The following RPS6KA1 variants were observed in gnomAD, a reference collection of about 807,000 sequenced individuals.
The protein encoded by RPS6KA1 is ribosomal protein S6 kinase A1, also known as ribosomal protein S6 kinase alpha-1.
A neutral mutation model predicts 91.3 loss-of-function variants in RPS6KA1; 48 were observed. The ratio of observed to expected loss-of-function variants is 0.53; its 90% confidence interval spans 0.42 to 0.67. RPS6KA1 has a LOEUF of 0.67. RPS6KA1 is among the 30% of genes least tolerant of loss of function. The pLI, the probability that RPS6KA1 is intolerant of heterozygous loss-of-function variation, is 0.00. For synonymous variants in RPS6KA1, 359 were observed against 384.7 expected, an observed-to-expected ratio of 0.93 and a Z score of 0.78; for missense variants, 719 against 960.5, an observed-to-expected ratio of 0.75 and a Z score of 3.32.
In RPS6KA1 at chr1:26,547,344, G is replaced by A. The variant is rs2076004580; in HGVS notation, c.307+74G>A. 1.6e-6 allele frequency: 2 copies of A among 1,242,666 alleles called. No individual in the cohort carries two copies. The highest frequency in any genetic ancestry group is 2.3e-6 in the Non-Finnish European group (2 of 861,804). The allele number at this position is 1,242,666 out of a possible 1,614,324, so 77.0% of individuals were successfully genotyped here. On this transcript the variant is annotated intron_variant, in intron 4 of 21. Transcript: ENST00000374168. The surrounding 1 kb of genome is among the most constrained non-coding windows in gnomAD (Gnocchi z 4.1). ...GCAGCCCAGACTTCAAGGGCCTTGG[G>A]TCTGGCAAGGGAGACAGCTCTGTCT...
intron 1 of RPS6KA1, among the ~76,000 whole-genome samples, chr1:26,533,603 G>A (rs1441345181): frequency 6.6e-6 from 1 of 152,188 alleles, no homozygotes; most frequent in Non-Finnish European, 1.5e-5. Flanking sequence ...TACTTGGGAG[G>A]CTGAGGCAGA....
At chr1:26,556,464 C>T (rs1177625893) in intron 11 of RPS6KA1, among the ~76,000 whole-genome samples, 190 bp from the exon 12 acceptor site, 1 of 152,182 alleles carries the variant, frequency 6.6e-6, no homozygotes, top group Non-Finnish European at 1.5e-5. Context: ...TCAGAAGCTC[C>T]AGAAAGTGGA....
intron 14 of RPS6KA1, among the ~76,000 whole-genome samples, chr1:26,559,213 G>A (rs1290791848): frequency 1.3e-5 from 2 of 152,116 alleles, no homozygotes; most frequent in Non-Finnish European, 2.9e-5. Flanking sequence ...CGTGTCTCCG[G>A]CATAAGTGTA....
chr1:26,574,138 G>A lies in RPS6KA1; in HGVS notation c.2145G>A (p.Lys715=), dbSNP rs748389071. 3.1e-6 allele frequency: 5 copies of A among 1,614,090 alleles called. No homozygotes were observed. Among genetic ancestry groups the A allele is most frequent in the South Asian group, 2.2e-5 (2 of 91,072 alleles). The change falls in exon 22 of 22, where the codon AAG becomes AAA. Residue 715 remains lysine, a synonymous_variant. Transcript: ENST00000374168. This position sits in a 1 kb window ranked among gnomAD's most constrained non-coding sequence, Gnocchi z 4.3. The stretch of plus-strand genomic sequence containing the variant: ...GCTCCAAGCCCACCCCCCAGCTGAA[G>A]CCCATCGAGTCATCCATCCTGGCCC... ...LNSSKPTPQL[K]PIESSILAQR...
At chr1:26,572,401 C>T (rs940621761) in intron 20 of RPS6KA1, 108 bp downstream of exon 20, 18 of 738,692 alleles carry the variant, frequency 2.4e-5, no homozygotes, top group Non-Finnish European at 3.8e-5. Flanking sequence ...GCGGATGTTC[C>T]ACAAATCCCT....
At chr1:26,545,707 G>C (rs978548626) in intron 2 of RPS6KA1, 3 of 751,928 alleles carry the variant, frequency 4.0e-6, no homozygotes, top group Non-Finnish European at 2.0e-6. Flanking sequence ...CTGAGGAGAG[G>C]GGGAGAGAGA....
chr1:26,543,322 T>C, intron 2 of RPS6KA1: 1 of 893,148 alleles, frequency 1.1e-6, no homozygotes, highest in South Asian at 1.4e-5. Context: ...CTGGGTGGTT[T>C]CCTGTCTCTG....
rs2076079860 is a variant in RPS6KA1, at chr1:26,554,333, C to T, written c.613+82C>T. 1.4e-6 allele frequency: 2 copies of T among 1,403,206 alleles called. No individual in the cohort carries two copies. The highest frequency in any genetic ancestry group is 1.9e-6 in the Non-Finnish European group (2 of 1,027,408). The allele number at this position is 1,403,206 out of a possible 1,614,324, so 86.9% of individuals were successfully genotyped here. On this transcript the variant is annotated intron_variant, in intron 8 of 21. Transcript: ENST00000374168. This position sits in a 1 kb window ranked among gnomAD's most constrained non-coding sequence, Gnocchi z 4.6. ...ATAGGTCTCGGCTGAGTGCTGGGGG[C>T]TCATTCTTCCCGAGAAGCCGTGCCA...
At chr1:26,545,748 G>C (rs1055307432) in intron 2 of RPS6KA1, 1 of 1,108,354 alleles carries the variant, frequency 9.0e-7, no homozygotes, top group African/African-American at 1.6e-5. Context: ...TGTAGGCCTG[G>C]TGCTGGGAAA....
chr1:26,549,525 C>T lies in RPS6KA1; in HGVS notation c.308-1872C>T, dbSNP rs141044839. On this transcript the variant is annotated intron_variant, in intron 4 of 21. Transcript: ENST00000374168. ...CAAAGGTTGCAGTGAGCCAAGATCA[C>T]ACCACTGCACTCCAGCTTGGGTGAC... 2.4e-3 allele frequency among the ~76,000 whole-genome samples: 360 copies of T among 151,798 alleles called. 1 individual carries two copies. Among genetic ancestry groups the T allele is most frequent in the African/African-American group, 7.8e-3 (323 of 41,390 alleles).
At chr1:26,530,927 T>G (rs1441744195) in intron 1 of RPS6KA1, 50 of 1,215,240 alleles carry the variant, frequency 4.1e-5, no homozygotes, top group Non-Finnish European at 5.2e-5. Context: ...CCCAGGTGGT[T>G]GTTGGGGGTA....
intron 21 of RPS6KA1, 140 bp from the exon 22 acceptor site, chr1:26,573,939 A>G (rs2076272877): frequency 2.2e-6 from 2 of 893,238 alleles, no homozygotes; most frequent in Non-Finnish European, 3.2e-6. Flanking sequence ...CTGTATCTCA[A>G]AAAAAAAAAA....
chr1:26,541,575 G>A (rs2075948379), intron 2 of RPS6KA1, among the ~76,000 whole-genome samples: 1 of 152,130 alleles, frequency 6.6e-6, no homozygotes, highest in African/African-American at 2.4e-5. Context: ...AAGGCTGTGT[G>A]CGTGCAGCAA....
rs367623668 is a variant in RPS6KA1, at chr1:26,571,817, C to T, written c.1753-32C>T. ...CTGTGGCGACTTTCTACTGCCCCCC[C>T]AGACTGACCACCTCCCCTGCCCTGT... On this transcript the variant is annotated intron_variant, in intron 18 of 21. Transcript: ENST00000374168. This position sits in a 1 kb window ranked among gnomAD's most constrained non-coding sequence, Gnocchi z 5.1. 5.3e-5 allele frequency: 84 copies of T among 1,599,374 alleles called. No homozygotes were observed. The African/African-American group carries it at 7.6e-4, about 14-fold the overall frequency.
intron 4 of RPS6KA1, among the ~76,000 whole-genome samples, chr1:26,549,877 T>C (rs1420758766): frequency 6.7e-6 from 1 of 148,692 alleles, no homozygotes; most frequent in African/African-American, 2.5e-5. Flanking sequence ...AATTTTTGTA[T>C]ATATATTTTT....
chr1:26,549,419 A>G (rs1162351666), intron 4 of RPS6KA1, among the ~76,000 whole-genome samples: 1 of 151,868 alleles, frequency 6.6e-6, no homozygotes, highest in Non-Finnish European at 1.5e-5. Context: ...AAAAATACAA[A>G]AAAAATGAGC....
At chr1:26,562,908 C>T (rs1192804261) in intron 17 of RPS6KA1, among the ~76,000 whole-genome samples, 1 of 132,910 alleles carries the variant, frequency 7.5e-6, no homozygotes, top group Non-Finnish European at 1.5e-5. Context: ...ACGATCTTGG[C>T]TCACTGCAAC....
intron 21 of RPS6KA1, among the ~76,000 whole-genome samples, chr1:26,573,771 C>G (rs2076271043): frequency 6.6e-6 from 1 of 152,006 alleles, no homozygotes; most frequent in Non-Finnish European, 1.5e-5. Flanking sequence ...AACCCCATCT[C>G]TACTAAAAAT....
In RPS6KA1 at chr1:26,556,620, GCCAGGGACAGACCCTTC is replaced by G; in HGVS notation, c.917-33_917-17del. ...AGGGTAATATCTGGGACTTGTGCCAGCCAGGGACAGACCCTTCATTTGGGCTCTTTCAGGCTCCGGCC... is the reference window on the plus strand; with the variant it reads ...AGGGTAATATCTGGGACTTGTGCCAGATTTGGGCTCTTTCAGGCTCCGGCC... On this transcript the variant is annotated splice_polypyrimidine_tract_variant and intron_variant, in intron 11 of 21. Coordinates refer to ENST00000374168, the MANE Select transcript of RPS6KA1 (RefSeq NM_002953.4). The G allele has an allele frequency of 2.5e-6, 4 of 1,612,496 alleles. No homozygotes were observed. Among genetic ancestry groups the G allele is most frequent in the Non-Finnish European group, 3.4e-6 (4 of 1,178,498 alleles).
Sources: allele counts gnomAD v4.1 joint callset (sites outside exome capture counted in the v4.1 genomes callset), GRCh38; gene constraint gnomAD v4.1.1; non-coding constraint Gnocchi (gnomAD v3.1); transcripts MANE v1.5; gene names NCBI Gene and HGNC (gene_info 2026-07-23, HGNC 2026-07-21).